PRICKLE2: variants seen among roughly 807,000 people sequenced by gnomAD.
PRICKLE2 encodes prickle planar cell polarity protein 2.
In PRICKLE2, 21 loss-of-function variants were observed where a neutral mutation model predicts 81.4. The ratio of observed to expected loss-of-function variants is 0.26; its 90% CI spans 0.18 to 0.37. The LOEUF (loss-of-function observed/expected upper bound fraction) is 0.37, where lower values mean the gene tolerates loss of function less well. Ranked by LOEUF, PRICKLE2 falls within the 10% of genes least tolerant of loss-of-function variation. PRICKLE2 has a pLI of 1.00. For missense variants in PRICKLE2, 940 were observed against 1,109.0 expected, an observed-to-expected ratio of 0.85 and a Z score of 2.16; for synonymous variants, 456 against 421.5, an observed-to-expected ratio of 1.08 and a Z score of -1.00.
chr3:64,118,911 G>A (rs1200393225), intron 7 of PRICKLE2, among the ~76,000 whole-genome samples: 1 of 151,866 alleles, frequency 6.6e-6, no homozygotes, highest in African/African-American at 2.4e-5. Flanking sequence ...TATAAAGAAA[G>A]ATGCAGGTGT....
At chr3:64,164,945 A>G (rs1307683210) in intron 2 of PRICKLE2, among the ~76,000 whole-genome samples, 1 of 152,140 alleles carries the variant, frequency 6.6e-6, no homozygotes, top group Non-Finnish European at 1.5e-5. Context: ...CAGGTATAAA[A>G]AAGCACGCCC....
At chr3:64,127,473 A>G (rs1348375917) in intron 7 of PRICKLE2, among the ~76,000 whole-genome samples, 1 of 151,974 alleles carries the variant, frequency 6.6e-6, no homozygotes, top group Non-Finnish European at 1.5e-5. Context: ...TACATATCCA[A>G]CCTCATCTGA....
chr3:64,236,932 T>C (rs1027178446), intron 2 of PRICKLE2, among the ~76,000 whole-genome samples: 2 of 152,230 alleles, frequency 1.3e-5, no homozygotes, highest in Non-Finnish European at 2.9e-5. Flanking sequence ...TTCCCACTTA[T>C]CATGCTGCGG....
chr3:64,199,643 T>C (rs1256260982), intron 1 of PRICKLE2: 1 of 152,320 alleles, frequency 6.6e-6, no homozygotes, highest in Non-Finnish European at 1.5e-5. Flanking sequence ...AAGAAGATCA[T>C]GCATGTGAAT....
intron 2 of PRICKLE2, among the ~76,000 whole-genome samples, chr3:64,184,879 A>G (rs1481436311): frequency 6.6e-6 from 1 of 152,178 alleles, no homozygotes; most frequent in Admixed American, 6.5e-5. Flanking sequence ...TTTCACAACT[A>G]TGTTCAAGCC....
chr3:64,157,011 G>C (rs927790551), intron 5 of PRICKLE2, 151 bp downstream of exon 5: 1 of 748,908 alleles, frequency 1.3e-6, no homozygotes, highest in East Asian at 2.7e-5. Flanking sequence ...TAGAAACCAG[G>C]GATGGGTGGG....
intron 7 of PRICKLE2, chr3:64,102,771 G>A (rs550366913): frequency 1.3e-5 from 2 of 151,992 alleles, no homozygotes; most frequent in South Asian, 2.1e-4. Flanking sequence ...ATAACTTTTG[G>A]TCAACTGAAA....
intron 2 of PRICKLE2, among the ~76,000 whole-genome samples, chr3:64,260,622 T>G (rs2107189278): frequency 6.6e-6 from 1 of 152,332 alleles, no homozygotes; most frequent in Non-Finnish European, 1.5e-5. Context: ...ATGCCTGCAT[T>G]ACTCTCCTCT....
At chr3:64,129,405 G>T (rs1438483769) in intron 7 of PRICKLE2, among the ~76,000 whole-genome samples, 1 of 152,182 alleles carries the variant, frequency 6.6e-6, no homozygotes, top group African/African-American at 2.4e-5. Context: ...AGGCTTCACA[G>T]CTGTTAGCTC....
chr3:64,177,704 T>C (rs2078050845), intron 2 of PRICKLE2, among the ~76,000 whole-genome samples: 1 of 152,218 alleles, frequency 6.6e-6, no homozygotes, highest in African/African-American at 2.4e-5. Context: ...TCACCTAATA[T>C]GTTTCCAAGG....
At chr3:64,150,615 T>C (rs966771077) in intron 6 of PRICKLE2, among the ~76,000 whole-genome samples, 1 of 152,062 alleles carries the variant, frequency 6.6e-6, no homozygotes, top group Non-Finnish European at 1.5e-5. Flanking sequence ...CATCCCTGGG[T>C]CCTTTGGTGA....
chr3:64,174,702 T>A, intron 2 of PRICKLE2: 1 of 204,940 alleles, frequency 4.9e-6, no homozygotes, highest in Admixed American at 4.5e-5. Context: ...CACCTTTGTG[T>A]GTCGACAACA....
At chr3:64,105,149 C>CCTGA (rs2076735256) in intron 7 of PRICKLE2, among the ~76,000 whole-genome samples, 1 of 152,142 alleles carries the variant, frequency 6.6e-6, no homozygotes, top group African/African-American at 2.4e-5. Flanking sequence ...CCTTTGCATG[C>CCTGA]CTGACTTCTG....
At chr3:64,191,054 C>T (rs1177687411) in intron 2 of PRICKLE2, among the ~76,000 whole-genome samples, 1 of 152,144 alleles carries the variant, frequency 6.6e-6, no homozygotes, top group Non-Finnish European at 1.5e-5. Flanking sequence ...CAGAGAACTC[C>T]ACTGGGACGA....
At chr3:64,142,879 A>C (rs1294158030) in intron 7 of PRICKLE2, among the ~76,000 whole-genome samples, 3 of 152,230 alleles carry the variant, frequency 2.0e-5, no homozygotes, top group Non-Finnish European at 4.4e-5. Flanking sequence ...TATTCACAAA[A>C]TTCCATGGAT....
chr3:64,125,387 T>C (rs1341536952), intron 7 of PRICKLE2, among the ~76,000 whole-genome samples: 1 of 152,218 alleles, frequency 6.6e-6, no homozygotes, highest in Non-Finnish European at 1.5e-5. Flanking sequence ...AATTTTGTAA[T>C]AAGTTCTACT....
At chr3:64,145,107 T>G (rs1268356287) in intron 7 of PRICKLE2, among the ~76,000 whole-genome samples, 1 of 148,208 alleles carries the variant, frequency 6.7e-6, no homozygotes, top group African/African-American at 2.5e-5. Flanking sequence ...ATTTTTTTTT[T>G]TTTTTTTCTA....
intron 2 of PRICKLE2, among the ~76,000 whole-genome samples, chr3:64,245,122 G>C (rs543552945): frequency 1.3e-5 from 2 of 152,314 alleles, no homozygotes; most frequent in South Asian, 4.1e-4. Context: ...GAAAAAATGT[G>C]TGTTCACTGG....
At chr3:64,213,368 C>T (rs573732819) in intron 1 of PRICKLE2, among the ~76,000 whole-genome samples, 4 of 152,290 alleles carry the variant, frequency 2.6e-5, no homozygotes, top group East Asian at 1.9e-4. Context: ...GGTGAGCCAC[C>T]GTGCCCGGCC....
Sources: gnomAD v4.1 joint callset for allele counts (sites outside exome capture counted in the v4.1 genomes callset) on GRCh38, gnomAD v4.1.1 for gene constraint, MANE v1.5 for transcripts, NCBI Gene and HGNC (gene_info 2026-07-23, HGNC 2026-07-21) for gene names.